SET: variants seen among roughly 807,000 people sequenced by gnomAD.
SET encodes the protein protein SET.
A neutral mutation model predicts 39.0 loss-of-function variants in SET; 4 were observed. The observed-to-expected ratio is 0.10, with a 90% CI of 0.05 to 0.23. The LOEUF is 0.23. Ranked by LOEUF, SET falls within the 10% of genes least tolerant of loss-of-function variation. The pLI is 1.00. For synonymous variants in SET, 114 were observed against 115.9 expected (o/e 0.98, Z 0.11); for missense variants, 137 against 329.7 (o/e 0.42, Z 4.53).
chr9:128,694,101 G>A (rs1861640849), intron 7 of SET, 59 bp downstream of exon 7: 1 of 1,287,000 alleles, frequency 7.8e-7, no homozygotes, highest in African/African-American at 2.0e-5. Flanking sequence ...ATGTTATTTT[G>A]GGGTGTATAT....
At chr9:128,694,572 C>T (rs1326188483) in intron 7 of SET, 69 bp from the exon 8 acceptor site, 1 of 1,057,126 alleles carries the variant, frequency 9.5e-7, no homozygotes. Context: ...TCGTGGGGTC[C>T]ATTGTGGTCC....
At chr9:128,684,470 C>T (rs1861222054), upstream of SET, among the ~76,000 whole-genome samples, 1 of 152,120 alleles carries the variant, frequency 6.6e-6, no homozygotes, top group African/African-American at 2.4e-5. Flanking sequence ...TGGCTTCCAG[C>T]TTCCTCCTCC....
chr9:128,694,532 G>T, intron 7 of SET, 109 bp from the exon 8 acceptor site: 1 of 657,804 alleles, frequency 1.5e-6, no homozygotes, highest in African/African-American at 1.9e-5. Context: ...TGACTTACAG[G>T]TTTAGAAACT....
At chr9:128,691,640 T>G (rs991637688) in intron 2 of SET, among the ~76,000 whole-genome samples, 8 of 152,158 alleles carry the variant, frequency 5.3e-5, no homozygotes, top group Non-Finnish European at 7.3e-5. Context: ...GAGTGTTGAG[T>G]TTGGGCACTC....
exon 1 of SET, chr9:128,683,865 C>A (rs759360846): frequency 2.6e-5 from 40 of 1,527,114 alleles, no homozygotes; most frequent in Non-Finnish European, 3.4e-5. Context: ...CGAGGAGACT[C>A]GTGGTCTGGT....
rs2132262106 is a variant in SET at position 128,696,395 on chromosome 9, G to A, written c.*1731G>A. 1 of 168,180 alleles carries A rather than the reference G, an allele frequency of 5.9e-6. No homozygotes were observed. The highest frequency in any genetic ancestry group is 2.1e-4 in the South Asian group (1 of 4,764). The allele number at this position is 168,180 out of a possible 1,614,324, so 10.4% of individuals were successfully genotyped here. On this transcript the variant is annotated 3_prime_UTR_variant, in exon 8 of 8. Transcript: ENST00000322030. Reference sequence around the variant, plus strand: ...TAAAGGAACATAAAGATTTTTTTTGGACTGGGGTCATTCTCCTTGTTTTAT... The same window carrying A: ...TAAAGGAACATAAAGATTTTTTTTGAACTGGGGTCATTCTCCTTGTTTTAT...
intron 1 of SET, 63 bp downstream of exon 1, chr9:128,689,718 A>T (rs1232777317): frequency 1.9e-4 from 70 of 370,472 alleles, no homozygotes; most frequent in Non-Finnish European, 2.3e-4. Context: ...CCCGGCCCGC[A>T]GGCCGCCGGC....
chr9:128,686,396 G>T (rs1043019660), upstream of SET, among the ~76,000 whole-genome samples: 1 of 152,116 alleles, frequency 6.6e-6, no homozygotes, highest in African/African-American at 2.4e-5. Flanking sequence ...GGGTTCCCTG[G>T]GACCCCTGCA....
At chr9:128,694,103 G>GAT in intron 7 of SET, 61 bp downstream of exon 7, 1 of 1,181,300 alleles carries the variant, frequency 8.5e-7, no homozygotes, top group South Asian at 1.6e-5. Flanking sequence ...GTTATTTTGG[G>GAT]GTGTATATAT....
At chr9:128,691,079 G>C in intron 1 of SET, 91 bp from the exon 2 acceptor site, 1 of 1,023,086 alleles carries the variant, frequency 9.8e-7, no homozygotes, top group Non-Finnish European at 1.5e-6. Context: ...TTTTGTTTTT[G>C]TTTTAATGGC....
upstream of SET, among the ~76,000 whole-genome samples, chr9:128,686,758 G>A (rs1387135858): frequency 2.0e-5 from 3 of 152,034 alleles, no homozygotes; most frequent in Non-Finnish European, 4.4e-5. Flanking sequence ...GATGGTTTGA[G>A]CTCAGGAGTT....
At chr9:128,684,616 C>T (rs2132233296), upstream of SET, among the ~76,000 whole-genome samples, 1 of 152,158 alleles carries the variant, frequency 6.6e-6, no homozygotes, top group Non-Finnish European at 1.5e-5. Context: ...TCTCCTGGTT[C>T]ACACTTCTGA....
At position 128,696,250 on chromosome 9, in the gene SET, G is replaced by A. The variant is rs983401281; in HGVS notation, c.*1586G>A. On this transcript the variant is annotated 3_prime_UTR_variant, in exon 8 of 8. Transcript: ENST00000322030. Reference sequence around the variant, plus strand: ...TTTGATGTATAAAACTTGATAAATGGAACTATTCCATCAATAGGCAAAAGT... The same window carrying A: ...TTTGATGTATAAAACTTGATAAATGAAACTATTCCATCAATAGGCAAAAGT... The A allele has an allele frequency of 2.0e-5, 4 of 202,406 alleles. No individual in the cohort carries two copies. Among genetic ancestry groups the A allele is most frequent in the African/African-American group, 6.8e-5 (3 of 43,886 alleles). The allele number at this position is 202,406 out of a possible 1,614,324, so 12.5% of individuals were successfully genotyped here.
At chr9:128,683,796 G>A (rs1027655297) in exon 1 of SET, 11 of 1,006,276 alleles carry the variant, frequency 1.1e-5, no homozygotes, top group Non-Finnish European at 1.5e-5. Flanking sequence ...CGGCTCCAGT[G>A]CAGATTTAAG....
Position 128,691,039 on chromosome 9 carries a change from A to G in SET, c.74-131A>G, listed in dbSNP as rs574403535. ...AAATTAGTCAGCTACAAGCATGAACATGTGGAACGCTTGCCTTTGTACTAG... is the reference window on the plus strand; with the variant it reads ...AAATTAGTCAGCTACAAGCATGAACGTGTGGAACGCTTGCCTTTGTACTAG... On this transcript the variant is annotated intron_variant, in intron 1 of 7. Coordinates refer to ENST00000322030, the MANE Select transcript of SET (RefSeq NM_003011.4). The G allele has an allele frequency of 5.5e-4, 424 of 765,022 alleles. 6 individuals are homozygous for G. In the South Asian group the frequency reaches 5.9e-3, roughly 11 times the overall value. The allele number at this position is 765,022 out of a possible 1,614,324, so 47.4% of individuals were successfully genotyped here. A position where few individuals can be genotyped will look rare whatever the true frequency, so the allele number is the denominator to read the frequency against.
intron 1 of SET, 109 bp from the exon 2 acceptor site, chr9:128,691,061 C>CTAGG: frequency 1.2e-6 from 1 of 829,420 alleles, no homozygotes; most frequent in Non-Finnish European, 2.1e-6. Flanking sequence ...TGCCTTTGTA[C>CTAGG]TAGGCGTTTT....
chr9:128,684,765 G>T (rs1861231129), upstream of SET, among the ~76,000 whole-genome samples: 1 of 152,096 alleles, frequency 6.6e-6, no homozygotes, highest in Non-Finnish European at 1.5e-5. Flanking sequence ...CTCTCTGCTG[G>T]AAAGTCACTT....
chr9:128,692,016 G>A lies in SET; in HGVS notation c.274+16G>A. On this transcript the variant is annotated intron_variant, in intron 3 of 7. Transcript: ENST00000322030. ...CATCCACAAGGTATGTTTTGGACAG[G>A]GCATTGTTAAAGGATAAACAGTGTT... 1 of 1,612,660 alleles carries A rather than the reference G, an allele frequency of 6.2e-7. No individual in the cohort carries two copies. Among genetic ancestry groups the A allele is most frequent in the Non-Finnish European group, 8.5e-7 (1 of 1,179,316 alleles).
At chr9:128,692,412 A>AAC (rs1554776619) in intron 3 of SET, 12 of 258,618 alleles carry the variant, frequency 4.6e-5, no homozygotes, top group Admixed American at 3.1e-4. Flanking sequence ...AAAAAAAAAA[A>AAC]AAAAAAAAAA....
Sources: allele counts gnomAD v4.1 joint callset (sites outside exome capture counted in the v4.1 genomes callset), GRCh38; gene constraint gnomAD v4.1.1; transcripts MANE v1.5; gene names NCBI Gene and HGNC (gene_info 2026-07-23, HGNC 2026-07-21).